Variants in NLRC4 observed in about 807,000 individuals in gnomAD.
The protein encoded by NLRC4 is NLR family CARD domain containing 4.
NLRC4 carries 63 observed loss-of-function variants against 79.9 expected under a neutral mutation model. The observed-to-expected ratio is 0.79, with a 90% confidence interval of 0.64 to 0.97. The LOEUF is 0.97. Among genes scored for constraint, NLRC4 ranks in the 50% least tolerant of loss-of-function variants. NLRC4 has a pLI of 0.00. For synonymous variants in NLRC4, 461 were observed against 456.5 expected (o/e 1.01, Z -0.12); for missense variants, 1,074 against 1,215.2 (o/e 0.88, Z 1.73).
At chr2:32,236,700 G>A (rs920280370) in intron 6 of NLRC4, among the ~76,000 whole-genome samples, 1 of 152,164 alleles carries the variant, frequency 6.6e-6, no homozygotes, top group Non-Finnish European at 1.5e-5. Context: ...CAGATAAAAT[G>A]TAAAGTTGCT....
At chr2:32,260,988 C>T (rs1478846558) in intron 1 of NLRC4, among the ~76,000 whole-genome samples, 3 of 151,880 alleles carry the variant, frequency 2.0e-5, no homozygotes, top group South Asian at 2.1e-4. Context: ...GTCAGGAGAT[C>T]GAGACCATCC....
chr2:32,224,829 G>C, intron 8 of NLRC4, 64 bp from the exon 9 acceptor site: 1 of 915,254 alleles, frequency 1.1e-6, no homozygotes, highest in Non-Finnish European at 1.6e-6. Flanking sequence ...AGAGAAATAG[G>C]TTCTACATTT....
chr2:32,231,572 T>TGCCGGGGG (rs757448591), intron 8 of NLRC4, among the ~76,000 whole-genome samples: 3 of 59,456 alleles, frequency 5.0e-5, no homozygotes, highest in African/African-American at 8.1e-5. Context: ...TATTTTTTTT[T>TGCCGGGGG]GTGGGGGGGG....
At chr2:32,246,143 C>T (rs988502253) in intron 4 of NLRC4, among the ~76,000 whole-genome samples, 1 of 152,150 alleles carries the variant, frequency 6.6e-6, no homozygotes, top group Non-Finnish European at 1.5e-5. Flanking sequence ...AAGATTGTGC[C>T]ACTGCACTCC....
intron 5 of NLRC4, among the ~76,000 whole-genome samples, chr2:32,240,089 T>C (rs1287791674): frequency 6.6e-6 from 1 of 152,212 alleles, no homozygotes; most frequent in Admixed American, 6.5e-5. Context: ...CAAGTGATTA[T>C]CCTTCCTCAG....
chr2:32,242,291 A>C (rs1686823943), intron 4 of NLRC4, among the ~76,000 whole-genome samples: 1 of 152,244 alleles, frequency 6.6e-6, no homozygotes, highest in Admixed American at 6.5e-5. Flanking sequence ...AAGAAAAAGA[A>C]GACAAAAATT....
chr2:32,261,316 C>CTTTTTT lies in NLRC4; in HGVS notation c.-119+3421_-119+3422insAAAAAA, dbSNP rs751434892. 9.2e-4 allele frequency among the ~76,000 whole-genome samples: 89 copies of CTTTTTT among 96,846 alleles called. 6 individuals carry two copies. Among genetic ancestry groups the CTTTTTT allele is most frequent in the East Asian group, 3.2e-3 (13 of 4,046 alleles). The allele number at this position is 96,846 out of a possible 152,430, so 63.5% of individuals were successfully genotyped here. On this transcript the variant is annotated intron_variant, in intron 1 of 8. Coordinates refer to ENST00000402280, the MANE Select transcript of NLRC4 (RefSeq NM_001199138.2). ...TTCTTTCGCCTATTAAGCCTCCCCC[C>CTTTTTT]TTTTGTTTTTTTTTGAGATGGAGCC...
At chr2:32,230,923 C>T (rs929516449) in intron 8 of NLRC4, among the ~76,000 whole-genome samples, 1 of 152,140 alleles carries the variant, frequency 6.6e-6, no homozygotes, top group African/African-American at 2.4e-5. Context: ...GCCAACAACA[C>T]TTGTTATTGT....
Position 32,250,285 on chromosome 2 carries a change from G to T in NLRC4, c.1579C>A (p.Pro527Thr), listed in dbSNP as rs369233701. Residue 527 changes from proline to threonine, a missense_variant, in exon 4 of 9, where the codon CCT (proline) becomes ACT (threonine). Pro to Thr is a conservative substitution (Grantham distance 38). Transcript: ENST00000402280. The surrounding 1 kb of genome is among the most constrained non-coding windows in gnomAD (Gnocchi z 4.9). ...TGCAAAGATTCCTGTCTCCAGAGAG[G>T]CCTCTTGGCGATGGAAAGTCCGAGA... ...CLLGLSIAKR[P>T]LWRQESLQSV... 9 of 1,614,204 alleles carry T rather than the reference G, an allele frequency of 5.6e-6. No individual in the cohort carries two copies. The East Asian group carries it at 1.1e-4, about 20-fold the overall frequency.
intron 1 of NLRC4, among the ~76,000 whole-genome samples, chr2:32,261,146 T>TTG (rs1291323509): frequency 5.4e-5 from 8 of 149,168 alleles, no homozygotes; most frequent in African/African-American, 1.7e-4. Flanking sequence ...TGAGCCGAGA[T>TTG]CGCAGCACTG....
At chr2:32,243,345 G>A (rs534400192) in intron 4 of NLRC4, among the ~76,000 whole-genome samples, 180 of 151,856 alleles carry the variant, frequency 1.2e-3, no homozygotes, top group Non-Finnish European at 2.2e-3. Flanking sequence ...AGGAGGCAGA[G>A]GTTGCAGTGA....
At chr2:32,230,865 C>T (rs989916467) in intron 8 of NLRC4, among the ~76,000 whole-genome samples, 2 of 152,168 alleles carry the variant, frequency 1.3e-5, no homozygotes, top group Non-Finnish European at 2.9e-5. Flanking sequence ...TCAGCAGCTG[C>T]ATCATTTTAC....
At chr2:32,225,833 C>T (rs1457943342) in intron 8 of NLRC4, among the ~76,000 whole-genome samples, 1 of 152,182 alleles carries the variant, frequency 6.6e-6, no homozygotes. Context: ...CATCCGAGCT[C>T]ATCTTAGTCT....
intron 4 of NLRC4, among the ~76,000 whole-genome samples, chr2:32,242,287 A>G (rs996915258): frequency 6.6e-6 from 1 of 152,222 alleles, no homozygotes; most frequent in East Asian, 1.9e-4. Context: ...GACAAAGAAA[A>G]AGAAGACAAA....
intron 4 of NLRC4, among the ~76,000 whole-genome samples, chr2:32,248,852 C>T (rs1573490800): frequency 6.6e-6 from 1 of 152,166 alleles, no homozygotes; most frequent in South Asian, 2.1e-4. Context: ...GCATTGGTCT[C>T]AAGATAAGCA....
chr2:32,247,916 G>T (rs1320289743), intron 4 of NLRC4, among the ~76,000 whole-genome samples: 1 of 151,928 alleles, frequency 6.6e-6, no homozygotes, highest in Non-Finnish European at 1.5e-5. Context: ...CTCAGAAACA[G>T]AAAATCAAAT....
At chr2:32,233,349 A>ATATATATTT (rs1418146489) in intron 8 of NLRC4, among the ~76,000 whole-genome samples, 104 of 41,092 alleles carry the variant, frequency 2.5e-3, no homozygotes, top group Admixed American at 4.7e-3. Flanking sequence ...ATATATATAT[A>ATATATATTT]TTTTTTTTTT....
At position 32,241,032 on chromosome 2, in the gene NLRC4, C is replaced by T; in HGVS notation, c.2350+1G>A. On this transcript the variant is annotated splice_donor_variant, in intron 5 of 8. Transcript: ENST00000402280. LOFTEE classifies it high-confidence loss of function. ...TACAAATATGAGAACAGAAATCTGA[C>T]CTAGTTTTATAGCATCTTCTTCATT... The T allele has an allele frequency of 6.4e-7, 1 of 1,553,808 alleles. No homozygotes were observed. Among genetic ancestry groups the T allele is most frequent in the Non-Finnish European group, 8.9e-7 (1 of 1,126,440 alleles).
At chr2:32,246,024 A>C (rs747681551) in intron 4 of NLRC4, among the ~76,000 whole-genome samples, 6 of 151,992 alleles carry the variant, frequency 3.9e-5, no homozygotes, top group Non-Finnish European at 7.4e-5. Flanking sequence ...TCTGTACTAA[A>C]AATACAAAAA....
Sources: gnomAD v4.1 joint callset for allele counts (sites outside exome capture counted in the v4.1 genomes callset) on GRCh38, gnomAD v4.1.1 for gene constraint, Gnocchi (gnomAD v3.1) non-coding constraint, MANE v1.5 for transcripts, NCBI Gene and HGNC (gene_info 2026-07-23, HGNC 2026-07-21) for gene names.